Variants in WDR86 observed in about 807,000 individuals in gnomAD.
WDR86 encodes WD repeat domain 86.
In WDR86, 30 loss-of-function variants were observed where a neutral mutation model predicts 36.5. The ratio of observed to expected loss-of-function variants is 0.82; its 90% CI spans 0.61 to 1.11. WDR86 has a LOEUF of 1.11. WDR86 is among the 50% of genes most tolerant of loss of function. WDR86 has a pLI of 0.00. For synonymous variants in WDR86, 255 were observed against 252.9 expected, an observed-to-expected ratio of 1.01 and a Z score of -0.08; for missense variants, 545 against 561.2, an observed-to-expected ratio of 0.97 and a Z score of 0.29.
At position 151,409,833 on chromosome 7, in the gene WDR86, T is replaced by C; in HGVS notation, c.-244A>G. On this transcript the variant is annotated 5_prime_UTR_variant, in exon 1 of 6. Transcript: ENST00000334493. This position sits in a 1 kb window ranked among gnomAD's most constrained non-coding sequence, Gnocchi z 5.2. ...GCCCACTCGGGACCTCCGCCCTGGG[T>C]AGAGTCCTGGGCGCGCGGGCAGAGA... The C allele has an allele frequency of 8.0e-7, 1 of 1,243,306 alleles. No homozygotes were observed. The highest frequency in any genetic ancestry group is 1.0e-6 in the Non-Finnish European group (1 of 995,778). 77.0% of individuals were successfully genotyped at this position (1,243,306 alleles called of 1,614,324 possible).
At chr7:151,392,153 G>C (rs961617719) in intron 3 of WDR86, among the ~76,000 whole-genome samples, 1 of 152,150 alleles carries the variant, frequency 6.6e-6, no homozygotes. Flanking sequence ...CTCCCCAAGA[G>C]TGGACCTCCC....
chr7:151,386,922 T>G (rs1280540294), intron 3 of WDR86, among the ~76,000 whole-genome samples: 2 of 152,222 alleles, frequency 1.3e-5, no homozygotes, highest in Non-Finnish European at 2.9e-5. Context: ...AAAGCCCTTG[T>G]ACTGTGATCC....
downstream of WDR86, chr7:151,375,842 T>G: frequency 6.3e-7 from 1 of 1,593,410 alleles, no homozygotes; most frequent in East Asian, 2.2e-5. Flanking sequence ...TTCCTGTGTG[T>G]TTTAGATTCT....
At chr7:151,410,070 C>T (rs1801102593), upstream of WDR86, 1 of 986,476 alleles carries the variant, frequency 1.0e-6, no homozygotes, top group African/African-American at 1.7e-5. Flanking sequence ...GACCACCCCT[C>T]ACCCGATCCC....
downstream of WDR86, chr7:151,377,048 A>T (rs758879339): frequency 6.5e-7 from 1 of 1,545,602 alleles, no homozygotes; most frequent in Non-Finnish European, 8.7e-7. Flanking sequence ...TTATTGTAGG[A>T]ACCTCTAGTG....
downstream of WDR86, chr7:151,374,038 T>G (rs1798086155): frequency 1.3e-6 from 2 of 1,505,574 alleles, no homozygotes; most frequent in East Asian, 4.9e-5. Context: ...GAGCGCAGAC[T>G]GAGAGGCTGT....
At chr7:151,391,197 A>ACGT (rs1799409184) in intron 3 of WDR86, among the ~76,000 whole-genome samples, 1 of 152,208 alleles carries the variant, frequency 6.6e-6, no homozygotes, top group Admixed American at 6.5e-5. Context: ...GGGAGAACTG[A>ACGT]CATAGCCACC....
intron 1 of WDR86, among the ~76,000 whole-genome samples, chr7:151,404,858 C>T (rs1300117353): frequency 1.3e-5 from 2 of 152,192 alleles, no homozygotes; most frequent in East Asian, 1.9e-4. Context: ...CTCAGAGCTT[C>T]GGACCTGCTG....
chr7:151,402,073 ATAT>A lies in WDR86; in HGVS notation c.164-1835_164-1833del, dbSNP rs1563064841. ...AAAAAAAAAAAAAAAAAAAAAAAATATATATATATATATATATATCTCCACAAA... is the reference window on the plus strand; with the variant it reads ...AAAAAAAAAAAAAAAAAAAAAAAATAATATATATATATATATCTCCACAAA... On this transcript the variant is annotated intron_variant, in intron 1 of 5. Coordinates refer to ENST00000334493, the MANE Select transcript of WDR86 (RefSeq NM_198285.3). Among the ~76,000 whole-genome samples, 23 of 77,724 alleles carry A rather than the reference ATAT, an allele frequency of 3.0e-4. 1 individual carries two copies. The highest frequency in any genetic ancestry group is 7.7e-4 in the East Asian group (2 of 2,584). 51.0% of individuals were successfully genotyped at this position (77,724 alleles called of 152,430 possible). A position where few individuals can be genotyped will look rare whatever the true frequency, so the allele number is the denominator to read the frequency against.
Position 151,381,446 on chromosome 7 carries a change from C to T in WDR86, c.*136G>A, listed in dbSNP as rs1798552762. 5 of 1,491,956 alleles carry T rather than the reference C, an allele frequency of 3.4e-6. No individual in the cohort carries two copies. Among genetic ancestry groups the T allele is most frequent in the East Asian group, 2.9e-5 (1 of 34,726 alleles). The allele number at this position is 1,491,956 out of a possible 1,614,324, so 92.4% of individuals were successfully genotyped here. On this transcript the variant is annotated 3_prime_UTR_variant, in exon 6 of 6. Coordinates refer to ENST00000334493, the MANE Select transcript of WDR86 (RefSeq NM_198285.3). This position sits in a 1 kb window ranked among gnomAD's most constrained non-coding sequence, Gnocchi z 4.8. ...CCAAAGAAAAACCAGACGCCTGCGA[C>T]GGGCTCTCCTCCCGCCCGGGCTTCC...
chr7:151,404,425 A>G (rs974978617), intron 1 of WDR86, among the ~76,000 whole-genome samples: 1 of 152,168 alleles, frequency 6.6e-6, no homozygotes, highest in Non-Finnish European at 1.5e-5. Flanking sequence ...GGTCAGAGCC[A>G]GGCCAACAGA....
Position 151,396,130 on chromosome 7 carries a change from C to G in WDR86, c.372G>C (p.Val124=), listed in dbSNP as rs1799810593. The change falls in exon 3 of 6, where the codon GTG becomes GTC. Residue 124 remains valine, a synonymous_variant. Coordinates refer to ENST00000334493, the MANE Select transcript of WDR86 (RefSeq NM_198285.3). Reference sequence around the variant, plus strand: ...ACTCCCGGGACATCTGCCCCTTGTCCACACTCCAGACCCGAGCTGTCCGGT... The same window carrying G: ...ACTCCCGGGACATCTGCCCCTTGTCGACACTCCAGACCCGAGCTGTCCGGT... The part of the protein sequence containing the change: ...SYDRTARVWS[V]DKGQMSREFR... 2 of 1,612,954 alleles carry G rather than the reference C, an allele frequency of 1.2e-6. No homozygotes were observed. Among genetic ancestry groups the G allele is most frequent in the East Asian group, 4.5e-5 (2 of 44,878 alleles).
At chr7:151,400,382 T>G in intron 1 of WDR86, 141 bp from the exon 2 acceptor site, 1 of 971,380 alleles carries the variant, frequency 1.0e-6, no homozygotes, top group Non-Finnish European at 1.4e-6. Flanking sequence ...GCATTAGTTT[T>G]GTTTTGTTTT....
intron 4 of WDR86, 74 bp from the exon 5 acceptor site, chr7:151,382,055 C>G (rs1021726667): frequency 7.2e-7 from 1 of 1,398,096 alleles, no homozygotes; most frequent in Non-Finnish European, 9.8e-7. Context: ...GCGGCGAGAG[C>G]GTGACCTGGG....
chr7:151,385,361 G>T, intron 3 of WDR86, 138 bp from the exon 4 acceptor site: 1 of 1,428,002 alleles, frequency 7.0e-7, no homozygotes, highest in Non-Finnish European at 9.3e-7. Flanking sequence ...CCCCGCCACC[G>T]GCCCCACCAG....
upstream of WDR86, chr7:151,410,152 G>T: frequency 1.1e-6 from 1 of 903,820 alleles, no homozygotes; most frequent in Non-Finnish European, 1.3e-6. Flanking sequence ...TCGCTGTGCG[G>T]GTCCGGGGGA....
At position 151,390,196 on chromosome 7, in the gene WDR86, G is replaced by A. The variant is rs1799315955; in HGVS notation, c.727-4973C>T. ...AGGGCCAGGGCTGCGGAGCAGGGGA[G>A]GAGCTGGAGGGGAGGAGATGAAAAG... On this transcript the variant is annotated intron_variant, in intron 3 of 5. Coordinates refer to ENST00000334493, the MANE Select transcript of WDR86 (RefSeq NM_198285.3). The surrounding 1 kb of genome is among the most constrained non-coding windows in gnomAD (Gnocchi z 4.5). 6.6e-6 allele frequency among the ~76,000 whole-genome samples: 1 copy of A among 152,196 alleles called. No homozygotes were observed. Among genetic ancestry groups the A allele is most frequent in the Admixed American group, 6.5e-5 (1 of 15,282 alleles).
chr7:151,376,040 G>A lies in WDR86; in HGVS notation n.1250C>T, dbSNP rs928996494. Reference sequence around the variant, plus strand: ...TCAGGCAGCAGGACTGGGGGAGTCCGTGCTGAAACCTTGGCTCCCAGGCTC... The same window carrying A: ...TCAGGCAGCAGGACTGGGGGAGTCCATGCTGAAACCTTGGCTCCCAGGCTC... On this transcript the variant is annotated non_coding_transcript_exon_variant, in exon 2 of 2. Transcript: ENST00000463000. The A allele has an allele frequency of 2.4e-4, 188 of 794,912 alleles. No individual in the cohort carries two copies. In the African/African-American group the frequency reaches 2.4e-3, roughly 10 times the overall value. 49.2% of individuals were successfully genotyped at this position (794,912 alleles called of 1,614,324 possible).
At position 151,405,421 on chromosome 7, in the gene WDR86, A is replaced by G. The variant is rs894219648; in HGVS notation, c.163+4006T>C. On this transcript the variant is annotated intron_variant, in intron 1 of 5. Coordinates refer to ENST00000334493, the MANE Select transcript of WDR86 (RefSeq NM_198285.3). The surrounding 1 kb of genome is among the most constrained non-coding windows in gnomAD (Gnocchi z 4.7). ...GGTGACAGCCTTGCTGTTCCGAGCCACGGCCACTGTGGTTCCCTTATGCTC... is the reference window on the plus strand; with the variant it reads ...GGTGACAGCCTTGCTGTTCCGAGCCGCGGCCACTGTGGTTCCCTTATGCTC... 3.9e-5 allele frequency among the ~76,000 whole-genome samples: 6 copies of G among 152,286 alleles called. No homozygotes were observed. The East Asian group carries it at 9.7e-4, about 25-fold the overall frequency.
Sources: allele counts gnomAD v4.1 joint callset (sites outside exome capture counted in the v4.1 genomes callset), GRCh38; gene constraint gnomAD v4.1.1; non-coding constraint Gnocchi (gnomAD v3.1); transcripts MANE v1.5; gene names NCBI Gene and HGNC (gene_info 2026-07-23, HGNC 2026-07-21).